Variants in NCALD observed in about 807,000 individuals in gnomAD.
The protein encoded by NCALD is neurocalcin delta.
NCALD carries 10 observed loss-of-function variants against 18.6 expected under a neutral mutation model. That is an observed-to-expected ratio of 0.54 (90% CI 0.33 to 0.91). The LOEUF is 0.91. NCALD is among the 40% of genes least tolerant of loss of function. The probability of loss-of-function intolerance (pLI) is 0.03; values close to 1 mark genes in which losing one functional copy is unlikely to be tolerated. For missense variants in NCALD, 184 were observed against 247.6 expected (o/e 0.74, Z 1.72); for synonymous variants, 88 against 87.4 (o/e 1.01, Z -0.04).
At chr8:101,841,853 C>T (rs1259064161) in intron 4 of NCALD, among the ~76,000 whole-genome samples, 2 of 152,086 alleles carry the variant, frequency 1.3e-5, no homozygotes, top group Admixed American at 6.5e-5. Flanking sequence ...AGGGATTCCT[C>T]ACTCTAGGCT....
chr8:101,697,141 C>T (rs1815033393), intron 2 of NCALD, among the ~76,000 whole-genome samples: 2 of 151,846 alleles, frequency 1.3e-5, no homozygotes, highest in Non-Finnish European at 2.9e-5. Flanking sequence ...GAAATATAAA[C>T]TATCATCAGA....
chr8:102,032,418 T>G (rs1460045777), intron 1 of NCALD, among the ~76,000 whole-genome samples: 1 of 152,062 alleles, frequency 6.6e-6, no homozygotes, highest in Non-Finnish European at 1.5e-5. Context: ...AACTAAGCTG[T>G]TGTATATCCA....
At chr8:101,962,808 G>A (rs778318997) in intron 2 of NCALD, among the ~76,000 whole-genome samples, 6 of 152,154 alleles carry the variant, frequency 3.9e-5, no homozygotes, top group Non-Finnish European at 7.4e-5. Flanking sequence ...TTCTCATAGA[G>A]CAATAACTTA....
At chr8:102,124,763 GTGGTGTCCTC>G (rs1256214229), upstream of NCALD, 2 of 152,314 alleles carry the variant, frequency 1.3e-5, no homozygotes, top group African/African-American at 4.8e-5. Context: ...AGCTTCTCAG[GTGGTGTCCTC>G]TGGACTCTTC....
chr8:101,703,710 T>C (rs1448762236), intron 2 of NCALD, among the ~76,000 whole-genome samples: 1 of 152,150 alleles, frequency 6.6e-6, no homozygotes, highest in African/African-American at 2.4e-5. Flanking sequence ...GTGGACTCAC[T>C]GATGGGCAGA....
chr8:102,096,489 A>C (rs1825104616), intron 1 of NCALD, among the ~76,000 whole-genome samples: 1 of 152,264 alleles, frequency 6.6e-6, no homozygotes, highest in African/African-American at 2.4e-5. Flanking sequence ...AAGTAACAAA[A>C]GGACCAGAGA....
At chr8:101,821,314 T>C (rs1813708664) in intron 4 of NCALD, among the ~76,000 whole-genome samples, 2 of 152,212 alleles carry the variant, frequency 1.3e-5, no homozygotes, top group Admixed American at 1.3e-4. Flanking sequence ...TTATTAAGCA[T>C]TTATCATATG....
At chr8:101,917,134 T>C (rs1213602622) in intron 2 of NCALD, among the ~76,000 whole-genome samples, 2 of 151,950 alleles carry the variant, frequency 1.3e-5, no homozygotes, top group Admixed American at 6.6e-5. Flanking sequence ...AATATCAAAA[T>C]CATACCAACC....
chr8:102,075,871 G>C (rs998421063), intron 1 of NCALD, among the ~76,000 whole-genome samples: 2 of 151,780 alleles, frequency 1.3e-5, no homozygotes, highest in African/African-American at 2.4e-5. Context: ...AGAATTGCTT[G>C]AACCAGGGAG....
intron 1 of NCALD, among the ~76,000 whole-genome samples, chr8:101,753,653 G>A (rs1216206173): frequency 6.6e-6 from 1 of 152,160 alleles, no homozygotes; most frequent in Admixed American, 6.5e-5. Context: ...AAGGGTAGGG[G>A]TGGGGTTCCA....
At chr8:101,696,708 T>C (rs796706793) in intron 2 of NCALD, among the ~76,000 whole-genome samples, 42 of 152,368 alleles carry the variant, frequency 2.8e-4, no homozygotes, top group African/African-American at 9.9e-4. Flanking sequence ...AATTTACCTC[T>C]CTTCCCTTCC....
At chr8:101,695,702 A>T (rs1814958523) in intron 2 of NCALD, among the ~76,000 whole-genome samples, 1 of 151,570 alleles carries the variant, frequency 6.6e-6, no homozygotes, top group Non-Finnish European at 1.5e-5. Context: ...CTCCAACCCA[A>T]CCTCTCTCAT....
At chr8:101,702,948 T>A (rs1815339176) in intron 2 of NCALD, among the ~76,000 whole-genome samples, 1 of 152,260 alleles carries the variant, frequency 6.6e-6, no homozygotes, top group Non-Finnish European at 1.5e-5. Context: ...CACGAACATA[T>A]TAAAGATTCT....
chr8:101,844,058 A>ACC (rs1223446799), intron 4 of NCALD, among the ~76,000 whole-genome samples: 2 of 152,004 alleles, frequency 1.3e-5, no homozygotes, highest in African/African-American at 4.8e-5. Context: ...GTTCTCTTCC[A>ACC]CCCTTCCATC....
intron 1 of NCALD, among the ~76,000 whole-genome samples, chr8:101,768,227 T>C (rs1193450311): frequency 2.6e-5 from 4 of 152,094 alleles, no homozygotes; most frequent in Non-Finnish European, 5.9e-5. Context: ...AAGAAGAAAA[T>C]GTCAGTCTAG....
intron 1 of NCALD, among the ~76,000 whole-genome samples, chr8:101,733,290 G>T (rs1442829192): frequency 1.3e-5 from 2 of 152,192 alleles, no homozygotes; most frequent in East Asian, 3.9e-4. Flanking sequence ...TTAACCTCTT[G>T]CATCTTTTGC....
chr8:101,755,649 G>C (rs575005735), intron 1 of NCALD, among the ~76,000 whole-genome samples: 1 of 152,186 alleles, frequency 6.6e-6, no homozygotes, highest in Non-Finnish European at 1.5e-5. Context: ...AGAAACCAGG[G>C]AATAGGTTTT....
chr8:102,073,954 G>A (rs1383421521), intron 1 of NCALD, among the ~76,000 whole-genome samples: 4 of 152,132 alleles, frequency 2.6e-5, no homozygotes, highest in South Asian at 4.1e-4. Context: ...GGAACACCTC[G>A]AGTTAGAGGT....
rs549747495 is a variant in NCALD at position 101,947,735 on chromosome 8, C to A, written c.-156-31877G>T. 8.7e-3 allele frequency among the ~76,000 whole-genome samples: 1,332 copies of A among 152,234 alleles called. 16 individuals carry two copies. Among genetic ancestry groups the A allele is most frequent in the African/African-American group, 0.03 (1,256 of 41,506 alleles). On this transcript the variant is annotated intron_variant, in intron 2 of 6. Coordinates refer to the NCALD transcript ENST00000311028. ...TTCTGAAGCCCTCTTGTATAAGGCA[C>A]TTAACAAAGGCTAGAAAAATCAAGG...
Sources: gnomAD v4.1 joint callset for allele counts (sites outside exome capture counted in the v4.1 genomes callset) on GRCh38, gnomAD v4.1.1 for gene constraint, MANE v1.5 for transcripts, NCBI Gene and HGNC (gene_info 2026-07-23, HGNC 2026-07-21) for gene names.